The following THRB variants were observed in gnomAD, a reference collection of about 807,000 sequenced individuals.
The protein encoded by THRB is nuclear receptor subfamily 1 group A member 2.
Under a neutral mutation model 47.8 loss-of-function variants are expected in THRB, and 12 were observed. That is an observed-to-expected ratio of 0.25 (90% confidence interval 0.16 to 0.41). THRB has a LOEUF of 0.41. THRB is among the 10% of genes least tolerant of loss of function. THRB has a pLI of 1.00. For synonymous variants in THRB, 218 were observed against 212.2 expected, an observed-to-expected ratio of 1.03 and a Z score of -0.24; for missense variants, 348 against 589.2, an observed-to-expected ratio of 0.59 and a Z score of 4.24.
chr3:24,168,000 A>G (rs1460109626), intron 5 of THRB, among the ~76,000 whole-genome samples: 1 of 152,156 alleles, frequency 6.6e-6, no homozygotes, highest in African/African-American at 2.4e-5. Context: ...AATTTAAAAA[A>G]TCCTGAATTC....
At chr3:24,315,033 AT>A (rs2149240505) in intron 2 of THRB, among the ~76,000 whole-genome samples, 1 of 152,146 alleles carries the variant, frequency 6.6e-6, no homozygotes, top group South Asian at 2.1e-4. Flanking sequence ...TAGGAATTAT[AT>A]TTTCTTTGTC....
intron 1 of THRB, among the ~76,000 whole-genome samples, chr3:24,429,713 G>T (rs908992687): frequency 3.3e-5 from 5 of 151,982 alleles, no homozygotes; most frequent in Non-Finnish European, 7.4e-5. Context: ...TTACTATGTT[G>T]CCCAGGCTGA....
chr3:24,255,813 T>TGTC (rs2051213125), intron 3 of THRB, among the ~76,000 whole-genome samples: 1 of 152,194 alleles, frequency 6.6e-6, no homozygotes, highest in Non-Finnish European at 1.5e-5. Context: ...GATTTTATAT[T>TGTC]TATCCTAAGT....
At chr3:24,307,642 G>A (rs1362791782) in intron 2 of THRB, among the ~76,000 whole-genome samples, 1 of 151,850 alleles carries the variant, frequency 6.6e-6, no homozygotes, top group Admixed American at 6.6e-5. Context: ...ATTCTGGATG[G>A]TTTTTTTTAG....
At chr3:24,164,232 C>G (rs867130024) in intron 5 of THRB, among the ~76,000 whole-genome samples, 1 of 152,066 alleles carries the variant, frequency 6.6e-6, no homozygotes, top group Admixed American at 6.6e-5. Context: ...TTCAGTAATA[C>G]AAGAAATGTT....
chr3:24,374,398 T>C (rs1280117342), intron 1 of THRB, among the ~76,000 whole-genome samples: 4 of 152,282 alleles, frequency 2.6e-5, no homozygotes, highest in Admixed American at 1.3e-4. Flanking sequence ...ATTACTGTTA[T>C]GGTTTAAAGT....
At chr3:24,251,667 T>G (rs1405202032) in intron 3 of THRB, among the ~76,000 whole-genome samples, 1 of 151,920 alleles carries the variant, frequency 6.6e-6, no homozygotes, top group African/African-American at 2.4e-5. Context: ...GGGAAAAACT[T>G]AAACACTGTC....
intron 4 of THRB, among the ~76,000 whole-genome samples, chr3:24,199,325 G>C (rs2044330317): frequency 1.3e-5 from 2 of 152,176 alleles, no homozygotes; most frequent in South Asian, 4.1e-4. Context: ...TAGCCTCTTT[G>C]TTCAAGTACG....
chr3:24,178,636 T>C (rs956181390), intron 5 of THRB, among the ~76,000 whole-genome samples: 7 of 152,316 alleles, frequency 4.6e-5, no homozygotes, highest in Middle Eastern at 6.8e-3. Flanking sequence ...AACATGAACC[T>C]GGAGGACATT....
At chr3:24,289,554 G>A (rs1484655991) in intron 3 of THRB, among the ~76,000 whole-genome samples, 1 of 152,094 alleles carries the variant, frequency 6.6e-6, no homozygotes, top group Non-Finnish European at 1.5e-5. Context: ...TGGAGTTGAG[G>A]AGGGAGGGAC....
At chr3:24,211,461 T>G (rs1314043008) in intron 4 of THRB, among the ~76,000 whole-genome samples, 1 of 152,214 alleles carries the variant, frequency 6.6e-6, no homozygotes, top group Non-Finnish European at 1.5e-5. Flanking sequence ...TTTGATATGA[T>G]ACAGCCGATT....
At chr3:24,211,675 A>T (rs556057296) in intron 4 of THRB, among the ~76,000 whole-genome samples, 2 of 152,308 alleles carry the variant, frequency 1.3e-5, no homozygotes, top group South Asian at 2.1e-4. Context: ...TGAAGATTGT[A>T]TTCTTTTTGC....
chr3:24,477,795 T>C (rs1445083664), intron 1 of THRB, among the ~76,000 whole-genome samples: 1 of 151,658 alleles, frequency 6.6e-6, no homozygotes, highest in Non-Finnish European at 1.5e-5. Context: ...CTCTGTGATC[T>C]TTATCCAATT....
intron 1 of THRB, among the ~76,000 whole-genome samples, chr3:24,377,826 A>G (rs1200994356): frequency 6.6e-6 from 1 of 152,108 alleles, no homozygotes; most frequent in Non-Finnish European, 1.5e-5. Context: ...GGCTCTTTCT[A>G]GTGGCAAAAT....
chr3:24,202,506 G>C (rs747641604), intron 4 of THRB, among the ~76,000 whole-genome samples: 1 of 152,018 alleles, frequency 6.6e-6, no homozygotes, highest in Non-Finnish European at 1.5e-5. Context: ...ATTTATGACC[G>C]GCTCTGCCTC....
intron 5 of THRB, among the ~76,000 whole-genome samples, chr3:24,179,305 C>T (rs576749225): frequency 5.8e-4 from 43 of 74,516 alleles, no homozygotes; most frequent in Admixed American, 3.6e-3. Context: ...GATAATTGTG[C>T]TATGGTGTCC....
At chr3:24,156,168 G>T (rs141918567) in intron 5 of THRB, among the ~76,000 whole-genome samples, 2 of 152,164 alleles carry the variant, frequency 1.3e-5, no homozygotes, top group African/African-American at 4.8e-5. Context: ...TTCTCTGAGC[G>T]ACTTGTCATG....
intron 1 of THRB, among the ~76,000 whole-genome samples, chr3:24,473,529 G>T (rs1021147355): frequency 6.6e-6 from 1 of 152,122 alleles, no homozygotes; most frequent in South Asian, 2.1e-4. Flanking sequence ...AAGACAGTGT[G>T]GTGATTCCTC....
In THRB at chr3:24,489,631, T is replaced by C. The variant is rs187749716; in HGVS notation, c.-261+5021A>G. ...GAAGTTCACAGCAGAACTCAGTTTC[T>C]CAACTCAATAAAAATAGCACTGCAC... On this transcript the variant is annotated intron_variant, in intron 1 of 10. Coordinates refer to ENST00000646209, the MANE Select transcript of THRB (RefSeq NM_001354712.2). Among the ~76,000 whole-genome samples the C allele has an allele frequency of 7.3e-4, 111 of 152,298 alleles. 1 individual carries two copies. The highest frequency in any genetic ancestry group is 3.4e-3 in the Middle Eastern group (1 of 294).
Sources: gnomAD v4.1 joint callset for allele counts (sites outside exome capture counted in the v4.1 genomes callset) on GRCh38, gnomAD v4.1.1 for gene constraint, MANE v1.5 for transcripts, NCBI Gene and HGNC (gene_info 2026-07-23, HGNC 2026-07-21) for gene names.